The following SULF1 variants were observed in gnomAD, a reference collection of about 807,000 sequenced individuals.
SULF1 encodes the protein extracellular sulfatase Sulf-1.
SULF1 carries 46 observed loss-of-function variants against 110.5 expected under a neutral mutation model. The observed-to-expected ratio is 0.42, with a 90% CI of 0.33 to 0.53. SULF1 has a LOEUF of 0.53. Among genes scored for constraint, SULF1 ranks in the 20% least tolerant of loss-of-function variants. The probability of loss-of-function intolerance (pLI) is 0.12; values close to 1 mark genes in which losing one functional copy is unlikely to be tolerated. For synonymous variants in SULF1, 371 were observed against 387.1 expected (o/e 0.96, Z 0.49); for missense variants, 941 against 1,094.2 (o/e 0.86, Z 1.98).
At chr8:69,501,699 A>G (rs1810808433) in intron 2 of SULF1, among the ~76,000 whole-genome samples, 175 bp from the exon 3 acceptor site, 5 of 152,216 alleles carry the variant, frequency 3.3e-5, no homozygotes, top group Admixed American at 3.3e-4. Context: ...CGAATCACCC[A>G]CAATGCTTCA....
intron 1 of SULF1, among the ~76,000 whole-genome samples, chr8:69,478,383 T>A (rs1444990531): frequency 6.6e-6 from 1 of 152,200 alleles, no homozygotes. Flanking sequence ...CCAGTCTAAA[T>A]AAATGACCAG....
chr8:69,631,805 G>A lies in SULF1; in HGVS notation c.2284+2126G>A, dbSNP rs575767613. On this transcript the variant is annotated intron_variant, in intron 19 of 22. Coordinates refer to ENST00000402687, the MANE Select transcript of SULF1 (RefSeq NM_001128205.2). ...TACTCACCCTTCAGACCTCAATTGC[G>A]GTGTCACTGCTCGTGGACACCCTCT... Among the ~76,000 whole-genome samples, 9 of 152,274 alleles carry A rather than the reference G, an allele frequency of 5.9e-5. No individual in the cohort carries two copies. The South Asian group carries it at 8.3e-4, about 14-fold the overall frequency.
intron 3 of SULF1, among the ~76,000 whole-genome samples, chr8:69,532,682 T>C (rs1022025432): frequency 1.3e-5 from 2 of 152,220 alleles, no homozygotes; most frequent in Non-Finnish European, 2.9e-5. Flanking sequence ...TGTTACTAAT[T>C]AGAATCAGTT....
At chr8:69,519,356 A>T (rs1238296758) in intron 3 of SULF1, among the ~76,000 whole-genome samples, 2 of 152,188 alleles carry the variant, frequency 1.3e-5, no homozygotes, top group Admixed American at 1.3e-4. Context: ...CCATTGTTAA[A>T]CCAATCCATA....
chr8:69,557,254 T>G (rs1302881477), intron 3 of SULF1, among the ~76,000 whole-genome samples: 1 of 152,226 alleles, frequency 6.6e-6, no homozygotes, highest in Non-Finnish European at 1.5e-5. Context: ...GGACCACAAT[T>G]GGTCACCAAT....
At chr8:69,543,408 G>A (rs1049060801) in intron 3 of SULF1, among the ~76,000 whole-genome samples, 3 of 150,378 alleles carry the variant, frequency 2.0e-5, no homozygotes, top group African/African-American at 7.4e-5. Flanking sequence ...AGTGTGTGCT[G>A]TTTCCCTCCC....
chr8:69,575,839 A>G (rs1805572534), intron 5 of SULF1, 131 bp from the exon 6 acceptor site: 1 of 1,131,436 alleles, frequency 8.8e-7, no homozygotes, highest in African/African-American at 1.6e-5. Flanking sequence ...AGAGCTGATC[A>G]AATTATAGAC....
At chr8:69,479,991 G>A (rs1809449951) in intron 1 of SULF1, among the ~76,000 whole-genome samples, 1 of 151,710 alleles carries the variant, frequency 6.6e-6, no homozygotes, top group African/African-American at 2.4e-5. Context: ...ATTGGGACTG[G>A]AACAAATACA....
intron 14 of SULF1, among the ~76,000 whole-genome samples, chr8:69,622,221 C>CT (rs1554591927): frequency 1.3e-5 from 2 of 152,160 alleles, no homozygotes; most frequent in Admixed American, 1.3e-4. Context: ...ATTTGGGAGA[C>CT]TTTTTTTCTT....
chr8:69,636,496 C>T (rs1811027882), intron 19 of SULF1, among the ~76,000 whole-genome samples: 1 of 151,878 alleles, frequency 6.6e-6, no homozygotes, highest in Non-Finnish European at 1.5e-5. Flanking sequence ...GAGATCGCTC[C>T]ACTGCACTCC....
intron 3 of SULF1, among the ~76,000 whole-genome samples, chr8:69,528,949 T>C (rs1284139470): frequency 6.6e-6 from 1 of 152,192 alleles, no homozygotes; most frequent in Non-Finnish European, 1.5e-5. Flanking sequence ...AGTTAAAATG[T>C]TTGGGTTGTG....
intron 19 of SULF1, among the ~76,000 whole-genome samples, chr8:69,633,965 A>C (rs1810782664): frequency 6.6e-6 from 1 of 152,218 alleles, no homozygotes; most frequent in Admixed American, 6.5e-5. Context: ...TTCTACACAG[A>C]TTAGAAAATT....
At chr8:69,543,175 T>G (rs1813978849) in intron 3 of SULF1, among the ~76,000 whole-genome samples, 1 of 152,174 alleles carries the variant, frequency 6.6e-6, no homozygotes, top group Non-Finnish European at 1.5e-5. Context: ...TACTTGCAAA[T>G]ATATAAATTA....
At chr8:69,554,291 G>A (rs1814931408) in intron 3 of SULF1, among the ~76,000 whole-genome samples, 1 of 152,206 alleles carries the variant, frequency 6.6e-6, no homozygotes, top group South Asian at 2.1e-4. Flanking sequence ...TATTTATAGA[G>A]ATACTCCACA....
chr8:69,468,409 C>A (rs891394653), intron 1 of SULF1, among the ~76,000 whole-genome samples: 6 of 151,956 alleles, frequency 3.9e-5, no homozygotes, highest in African/African-American at 1.2e-4. Context: ...TTTTAAAATC[C>A]TTTTTTTAAA....
chr8:69,660,321 T>G lies in SULF1; in HGVS notation c.*1786T>G, dbSNP rs556780046. 1 of 152,348 alleles carries G rather than the reference T, an allele frequency of 6.6e-6. No homozygotes were observed. The highest frequency in any genetic ancestry group is 2.1e-4 in the South Asian group (1 of 4,824). The allele number at this position is 152,348 out of a possible 1,614,324, so 9.4% of individuals were successfully genotyped here. A position where few individuals can be genotyped will look rare whatever the true frequency, so the allele number is the denominator to read the frequency against. On this transcript the variant is annotated 3_prime_UTR_variant, in exon 23 of 23. Coordinates refer to ENST00000402687, the MANE Select transcript of SULF1 (RefSeq NM_001128205.2). ...TCAACATACCACAAGAGAAGTTAATTTCTTAACATTGTGTTCTATGATTAT... is the reference window on the plus strand; with the variant it reads ...TCAACATACCACAAGAGAAGTTAATGTCTTAACATTGTGTTCTATGATTAT...
At chr8:69,603,092 A>C in intron 10 of SULF1, 100 bp from the exon 11 acceptor site, 2 of 1,519,896 alleles carry the variant, frequency 1.3e-6, no homozygotes, top group Non-Finnish European at 1.8e-6. Context: ...GAGGGTGAGA[A>C]GAGTTGAAGG....
At chr8:69,538,553 T>A (rs1408210572) in intron 3 of SULF1, among the ~76,000 whole-genome samples, 1 of 152,178 alleles carries the variant, frequency 6.6e-6, no homozygotes, top group Admixed American at 6.5e-5. Context: ...GAGTACTTGC[T>A]AATGGTATGG....
At chr8:69,540,951 C>G (rs1227345499) in intron 3 of SULF1, among the ~76,000 whole-genome samples, 1 of 152,064 alleles carries the variant, frequency 6.6e-6, no homozygotes, top group Non-Finnish European at 1.5e-5. Flanking sequence ...ACCTGGATCT[C>G]AAAAATCTGG....
Sources: gnomAD v4.1 joint callset for allele counts (sites outside exome capture counted in the v4.1 genomes callset) on GRCh38, gnomAD v4.1.1 for gene constraint, MANE v1.5 for transcripts, NCBI Gene and HGNC (gene_info 2026-07-23, HGNC 2026-07-21) for gene names.